Variants in POLN observed in about 807,000 individuals in gnomAD.
POLN encodes DNA polymerase nu.
Under a neutral mutation model 113.5 loss-of-function variants are expected in POLN, and 108 were observed. The observed-to-expected ratio is 0.95, with a 90% CI of 0.81 to 1.12. The LOEUF (loss-of-function observed/expected upper bound fraction) is 1.12, where lower values mean the gene tolerates loss of function less well. Ranked by LOEUF, POLN falls within the 50% of genes most tolerant of loss-of-function variation. POLN has a pLI of 0.00. For synonymous variants in POLN, 386 were observed against 391.5 expected (o/e 0.99, Z 0.17); for missense variants, 1,097 against 1,077.1 (o/e 1.02, Z -0.26).
chr4:2,144,272 G>A (rs1055482412), intron 16 of POLN, among the ~76,000 whole-genome samples: 1 of 150,244 alleles, frequency 6.7e-6, no homozygotes, highest in African/African-American at 2.5e-5. Context: ...AGCCTCCCAC[G>A]TAGCTGGGAC....
chr4:2,089,109 A>T, intron 20 of POLN: 4 of 1,047,694 alleles, frequency 3.8e-6, no homozygotes, highest in Non-Finnish European at 5.7e-6. Flanking sequence ...TTTGGAAGAA[A>T]ATCTGGGTTT....
At chr4:2,165,180 T>C (rs1158362946) in intron 13 of POLN, among the ~76,000 whole-genome samples, 1 of 152,212 alleles carries the variant, frequency 6.6e-6, no homozygotes, top group Admixed American at 6.5e-5. Context: ...ACAACCAAGA[T>C]GTTCTTCGTA....
rs558069159 is a variant in POLN at position 2,154,369 on chromosome 4, C to A, written c.1731+2419G>T. ...CCATACCAATAGGAAAAAATAAACACCCTCCAGAGAAATGGGCAAATGACA... is the reference window on the plus strand; with the variant it reads ...CCATACCAATAGGAAAAAATAAACAACCTCCAGAGAAATGGGCAAATGACA... On this transcript the variant is annotated intron_variant, in intron 16 of 25. Coordinates refer to ENST00000511885, the MANE Select transcript of POLN (RefSeq NM_181808.4). Among the ~76,000 whole-genome samples, 3 of 151,932 alleles carry A rather than the reference C, an allele frequency of 2.0e-5. No individual in the cohort carries two copies. In the South Asian group the frequency reaches 6.3e-4, roughly 32 times the overall value.
chr4:2,158,404 C>T (rs1732493044), intron 14 of POLN, among the ~76,000 whole-genome samples: 1 of 152,120 alleles, frequency 6.6e-6, no homozygotes, highest in Non-Finnish European at 1.5e-5. Flanking sequence ...GATGTCATTC[C>T]ACTCTTTAAA....
chr4:2,189,316 A>G (rs900194262), intron 7 of POLN, among the ~76,000 whole-genome samples: 1 of 152,252 alleles, frequency 6.6e-6, no homozygotes, highest in Non-Finnish European at 1.5e-5. Context: ...AATAAAAGTG[A>G]GGAAATGCAA....
Position 2,093,786 on chromosome 4 carries a change from G to C in POLN, c.2065+2065C>G, listed in dbSNP as rs909732140. On this transcript the variant is annotated intron_variant, in intron 20 of 25. Transcript: ENST00000511885. The surrounding 1 kb of genome is among the most constrained non-coding windows in gnomAD (Gnocchi z 4.1). ...ACACTACTGTCACTCACAGAACCTA[G>C]TTCTTTAAAACAAAGTTTCTTAGTC... 2.6e-5 allele frequency among the ~76,000 whole-genome samples: 4 copies of C among 152,218 alleles called. No homozygotes were observed. Among genetic ancestry groups the C allele is most frequent in the Non-Finnish European group, 5.9e-5 (4 of 68,032 alleles).
intron 2 of POLN, among the ~76,000 whole-genome samples, chr4:2,233,369 A>C (rs560854662): frequency 1.3e-5 from 2 of 152,222 alleles, no homozygotes; most frequent in Non-Finnish European, 2.9e-5. Context: ...TGAGCTAGGG[A>C]AAAACACTAA....
intron 16 of POLN, among the ~76,000 whole-genome samples, chr4:2,155,841 T>C (rs1373363770): frequency 6.6e-6 from 1 of 151,908 alleles, no homozygotes; most frequent in Non-Finnish European, 1.5e-5. Flanking sequence ...AGAAAAAAAT[T>C]GTATTTTTTT....
In POLN at chr4:2,190,742, T is replaced by A. The variant is rs946253684; in HGVS notation, c.1021+2462A>T. Among the ~76,000 whole-genome samples the A allele has an allele frequency of 3.3e-5, 5 of 152,076 alleles. No individual in the cohort carries two copies. The East Asian group carries it at 9.6e-4, about 29-fold the overall frequency. On this transcript the variant is annotated intron_variant, in intron 7 of 25. Transcript: ENST00000511885. ...AATAGACATTTCTGAAAAGAAGATATACAAAAGGCCAACAAGAATATTTAA... is the reference window on the plus strand; with the variant it reads ...AATAGACATTTCTGAAAAGAAGATAAACAAAAGGCCAACAAGAATATTTAA...
intron 20 of POLN, among the ~76,000 whole-genome samples, chr4:2,091,818 A>T (rs1730673921): frequency 6.8e-6 from 1 of 146,138 alleles, no homozygotes; most frequent in Non-Finnish European, 1.5e-5. Flanking sequence ...CTACAATTTG[A>T]CGTTTAGCAG....
chr4:2,105,804 GTGATGATGATGATGATGATGATGA>G (rs147342911), intron 19 of POLN, among the ~76,000 whole-genome samples: 1 of 144,812 alleles, frequency 6.9e-6, no homozygotes, highest in Non-Finnish European at 1.5e-5. Context: ...CAGACAAATA[GTGATGATGATGATGATGATGATGA>G]TGATGATGAT....
chr4:2,156,771 T>C lies in POLN; in HGVS notation c.1731+17A>G, dbSNP rs775678132. The C allele has an allele frequency of 1.2e-6, 2 of 1,600,638 alleles. No individual in the cohort carries two copies. The highest frequency in any genetic ancestry group is 1.7e-5 in the Admixed American group (1 of 60,002). On this transcript the variant is annotated intron_variant, in intron 16 of 25. Transcript: ENST00000511885. Reference sequence around the variant, plus strand: ...GGAAAATGGCGTTTAACAAAGACAGTTGTTTAAACAACTTACAGGATGCTT... The same window carrying C: ...GGAAAATGGCGTTTAACAAAGACAGCTGTTTAAACAACTTACAGGATGCTT...
At chr4:2,123,962 T>A (rs1032302937) in intron 19 of POLN, among the ~76,000 whole-genome samples, 1 of 152,196 alleles carries the variant, frequency 6.6e-6, no homozygotes, top group African/African-American at 2.4e-5. Context: ...CTTATTTATA[T>A]TGAAATATAT....
chr4:2,076,195 G>A lies in POLN; in HGVS notation c.2388-676C>T, dbSNP rs570152806. ...GCACTGCCAGGGGCAGGTCCCTGGGGTGGGGCTCACAGATTCAAGTGCAAG... is the reference window on the plus strand; with the variant it reads ...GCACTGCCAGGGGCAGGTCCCTGGGATGGGGCTCACAGATTCAAGTGCAAG... On this transcript the variant is annotated intron_variant, in intron 23 of 25. Transcript: ENST00000511885. 1.4e-3 allele frequency among the ~76,000 whole-genome samples: 207 copies of A among 152,276 alleles called. 1 individual carries two copies. Among genetic ancestry groups the A allele is most frequent in the African/African-American group, 4.5e-3 (186 of 41,572 alleles).
In POLN at chr4:2,127,149, C is replaced by T. The variant is rs550213820; in HGVS notation, c.1982+964G>A. Among the ~76,000 whole-genome samples the T allele has an allele frequency of 3.9e-3, 580 of 149,252 alleles. 6 individuals are homozygous for T. The highest frequency in any genetic ancestry group is 0.013 in the African/African-American group (517 of 40,436). On this transcript the variant is annotated intron_variant, in intron 19 of 25. Transcript: ENST00000511885. The surrounding 1 kb of genome is among the most constrained non-coding windows in gnomAD (Gnocchi z 4.7). ...CGGAGGGTAGGGAGGGGTGAGGGGG[C>T]CATAGGGAGGGGTGAGGGGGCCGTA... is the stretch of plus-strand genomic sequence containing the variant.
chr4:2,135,889 C>G (rs1422859979), intron 16 of POLN, among the ~76,000 whole-genome samples: 1 of 152,234 alleles, frequency 6.6e-6, no homozygotes, highest in Non-Finnish European at 1.5e-5. Flanking sequence ...GAAGCGATCA[C>G]TACCTGCAGG....
chr4:2,171,329 G>A lies in POLN; in HGVS notation c.1375-148C>T, dbSNP rs1331160601. Reference sequence around the variant, plus strand: ...GCCCTTTGGGAGGCTGAGGCAGGAGGATCACTTGAGACCAGGAGTTTGAGA... The same window carrying A: ...GCCCTTTGGGAGGCTGAGGCAGGAGAATCACTTGAGACCAGGAGTTTGAGA... On this transcript the variant is annotated intron_variant, in intron 11 of 25. Transcript: ENST00000511885. 4 of 587,658 alleles carry A rather than the reference G, an allele frequency of 6.8e-6. No homozygotes were observed. In the East Asian group the frequency reaches 9.9e-5, roughly 15 times the overall value. The allele number at this position is 587,658 out of a possible 1,614,324, so 36.4% of individuals were successfully genotyped here. A position where few individuals can be genotyped will look rare whatever the true frequency, so the allele number is the denominator to read the frequency against.
Position 2,081,053 on chromosome 4 carries a change from A to T in POLN, c.2309-17T>A. The T allele has an allele frequency of 1.9e-6, 3 of 1,613,394 alleles. No individual in the cohort carries two copies. Among genetic ancestry groups the T allele is most frequent in the Non-Finnish European group, 2.5e-6 (3 of 1,179,958 alleles). On this transcript the variant is annotated splice_polypyrimidine_tract_variant and intron_variant, in intron 22 of 25. Transcript: ENST00000511885. ...CAGCGGAGCCTATGGGGCGCGTGGT[A>T]CTGTCTTGAGGTCCCATGGCACACG...
At position 2,126,956 on chromosome 4, in the gene POLN, G is replaced by A. The variant is rs1731596581; in HGVS notation, c.1982+1157C>T. Among the ~76,000 whole-genome samples the A allele has an allele frequency of 6.6e-6, 1 of 152,094 alleles. No homozygotes were observed. Among genetic ancestry groups the A allele is most frequent in the Non-Finnish European group, 1.5e-5 (1 of 68,004 alleles). ...GCGCATGGGGAGGGGAGTGCAGGGGGCCGGCCTAGTGAGGGGCTGAAGGAC... is the reference window on the plus strand; with the variant it reads ...GCGCATGGGGAGGGGAGTGCAGGGGACCGGCCTAGTGAGGGGCTGAAGGAC... On this transcript the variant is annotated intron_variant, in intron 19 of 25. Coordinates refer to ENST00000511885, the MANE Select transcript of POLN (RefSeq NM_181808.4). This position sits in a 1 kb window ranked among gnomAD's most constrained non-coding sequence, Gnocchi z 4.6.
Sources: allele counts gnomAD v4.1 joint callset (sites outside exome capture counted in the v4.1 genomes callset), GRCh38; gene constraint gnomAD v4.1.1; non-coding constraint Gnocchi (gnomAD v3.1); transcripts MANE v1.5; gene names NCBI Gene and HGNC (gene_info 2026-07-23, HGNC 2026-07-21).